Variants in CACNA2D2 observed in about 807,000 individuals in gnomAD.
CACNA2D2 encodes calcium voltage-gated channel auxiliary subunit alpha2delta 2.
Under a neutral mutation model 166.4 loss-of-function variants are expected in CACNA2D2, and 48 were observed. That is an observed-to-expected ratio of 0.29 (90% CI 0.23 to 0.37). The LOEUF is 0.37. Ranked by LOEUF, CACNA2D2 falls within the 10% of genes least tolerant of loss-of-function variation. CACNA2D2 has a pLI of 1.00. For synonymous variants in CACNA2D2, 561 were observed against 573.7 expected (o/e 0.98, Z 0.32); for missense variants, 1,122 against 1,433.0 (o/e 0.78, Z 3.50).
At chr3:50,502,956 G>C (rs1218671269) in intron 1 of CACNA2D2, among the ~76,000 whole-genome samples, 1 of 152,126 alleles carries the variant, frequency 6.6e-6, no homozygotes, top group Non-Finnish European at 1.5e-5. Context: ...AACTCCTCCC[G>C]GGGCTTGAAG....
intron 1 of CACNA2D2, among the ~76,000 whole-genome samples, chr3:50,483,645 C>G (rs978758296): frequency 5.3e-5 from 8 of 152,106 alleles, no homozygotes; most frequent in Non-Finnish European, 1.0e-4. Flanking sequence ...CAGCCTGGAG[C>G]CAGGTAGCAG....
At chr3:50,451,454 G>A (rs979858687) in intron 2 of CACNA2D2, among the ~76,000 whole-genome samples, 4 of 152,044 alleles carry the variant, frequency 2.6e-5, no homozygotes, top group Admixed American at 2.6e-4. Flanking sequence ...CCCTCCCCAG[G>A]CTGCCTGACA....
At position 50,365,062 on chromosome 3, in the gene CACNA2D2, G is replaced by A; in HGVS notation, c.3208+13C>T. ...AGGGGGAGCGGGCGGCGGGGAGGGCGGGGGCAGGATACAGTGCGTCTCCTT... is the reference window on the plus strand; with the variant it reads ...AGGGGGAGCGGGCGGCGGGGAGGGCAGGGGCAGGATACAGTGCGTCTCCTT... On this transcript the variant is annotated intron_variant, in intron 36 of 37. Coordinates refer to ENST00000424201, the MANE Select transcript of CACNA2D2 (RefSeq NM_006030.4). The surrounding 1 kb of genome is among the most constrained non-coding windows in gnomAD (Gnocchi z 4.5). 6.2e-7 allele frequency: 1 copy of A among 1,604,846 alleles called. No individual in the cohort carries two copies. The highest frequency in any genetic ancestry group is 8.5e-7 in the Non-Finnish European group (1 of 1,175,916).
At chr3:50,429,592 CAAAAAAAAA>C (rs1160685582) in intron 3 of CACNA2D2, among the ~76,000 whole-genome samples, 7,734 of 52,582 alleles carry the variant, frequency 0.15, 487 homozygotes, top group African/African-American at 0.4. Context: ...ACTAAAAATA[CAAAAAAAAA>C]AAAAAAAAAA....
rs188041099 is a variant in CACNA2D2 at position 50,368,869 on chromosome 3, G to A, written c.2046-634C>T. Among the ~76,000 whole-genome samples, 31 of 152,364 alleles carry A rather than the reference G, an allele frequency of 2.0e-4. No individual in the cohort carries two copies. In the East Asian group the frequency reaches 5.8e-3, roughly 28 times the overall value. On this transcript the variant is annotated intron_variant, in intron 23 of 37. Transcript: ENST00000424201. ...ACATGGGGCTGTGGGGCGTGAGGGG[G>A]TCTGCTTGGGGCTTGCTGCCTAGGA...
intron 3 of CACNA2D2, among the ~76,000 whole-genome samples, chr3:50,432,901 AG>A (rs1460150033): frequency 6.6e-6 from 1 of 152,238 alleles, no homozygotes; most frequent in Non-Finnish European, 1.5e-5. Flanking sequence ...TGGATATGGC[AG>A]GGTGTAGGCT....
chr3:50,476,024 T>C lies in CACNA2D2; in HGVS notation c.288+94A>G. On this transcript the variant is annotated intron_variant, in intron 2 of 37. Transcript: ENST00000424201. ...AGGTCCCACCACACCAGGACCTCCA[T>C]TAAACCAAATCTTCCTCACTCCTTA... 6 of 1,169,956 alleles carry C rather than the reference T, an allele frequency of 5.1e-6. No homozygotes were observed. The East Asian group carries it at 7.7e-5, about 15-fold the overall frequency. The allele number at this position is 1,169,956 out of a possible 1,614,324, so 72.5% of individuals were successfully genotyped here.
intron 3 of CACNA2D2, among the ~76,000 whole-genome samples, chr3:50,418,272 C>A (rs1707363856): frequency 6.6e-6 from 1 of 152,144 alleles, no homozygotes; most frequent in Non-Finnish European, 1.5e-5. Context: ...AACACCCCTG[C>A]CTTACTCAAA....
intron 3 of CACNA2D2, among the ~76,000 whole-genome samples, chr3:50,433,512 G>A (rs1708166435): frequency 6.6e-6 from 1 of 152,088 alleles, no homozygotes; most frequent in Non-Finnish European, 1.5e-5. Flanking sequence ...GCATCACCAT[G>A]CCCAGCTTTG....
At chr3:50,410,488 G>A (rs955979552) in intron 3 of CACNA2D2, among the ~76,000 whole-genome samples, 1 of 152,030 alleles carries the variant, frequency 6.6e-6, no homozygotes, top group Non-Finnish European at 1.5e-5. Context: ...GATGGGGGGG[G>A]GGGTGTTGTC....
At chr3:50,407,190 A>G (rs1706756241) in intron 3 of CACNA2D2, among the ~76,000 whole-genome samples, 1 of 151,748 alleles carries the variant, frequency 6.6e-6, no homozygotes, top group South Asian at 2.1e-4. Context: ...TGGCCCCCCT[A>G]TACAAAGGGG....
intron 3 of CACNA2D2, among the ~76,000 whole-genome samples, chr3:50,430,470 GGGTGCT>G (rs1253943240): frequency 2.0e-5 from 3 of 152,220 alleles, no homozygotes; most frequent in Admixed American, 2.0e-4. Flanking sequence ...TGGGCAGGGA[GGGTGCT>G]CATGTCCTTA....
rs991298068 is a variant in CACNA2D2 at position 50,491,139 on chromosome 3, G to A, written c.206+12079C>T. Reference sequence around the variant, plus strand: ...GAGATCCCACTCTGTGCCCCTCCCCGTGCCCATCAGAAGCAGCCTCCTTGC... The same window carrying A: ...GAGATCCCACTCTGTGCCCCTCCCCATGCCCATCAGAAGCAGCCTCCTTGC... On this transcript the variant is annotated intron_variant, in intron 1 of 37. Transcript: ENST00000424201. 3.9e-5 allele frequency among the ~76,000 whole-genome samples: 6 copies of A among 152,304 alleles called. No homozygotes were observed. The East Asian group carries it at 7.7e-4, about 20-fold the overall frequency.
chr3:50,399,714 G>A (rs948038191), intron 3 of CACNA2D2, among the ~76,000 whole-genome samples: 3 of 152,154 alleles, frequency 2.0e-5, no homozygotes, highest in Non-Finnish European at 2.9e-5. Context: ...GTAGGAAGAG[G>A]GGGCATCAAA....
chr3:50,470,674 A>G (rs1412432268), intron 2 of CACNA2D2, among the ~76,000 whole-genome samples: 1 of 151,490 alleles, frequency 6.6e-6, no homozygotes, highest in African/African-American at 2.4e-5. Context: ...ACAGTGCTCA[A>G]GAGAGAACAT....
At chr3:50,369,316 A>G (rs922569572) in intron 23 of CACNA2D2, among the ~76,000 whole-genome samples, 4 of 152,260 alleles carry the variant, frequency 2.6e-5, no homozygotes, top group African/African-American at 9.6e-5. Context: ...CCACAGACAC[A>G]GAGATGACAA....
rs1415849558 is a variant in CACNA2D2, at chr3:50,476,011, A to C, written c.288+107T>G. 7 of 976,756 alleles carry C rather than the reference A, an allele frequency of 7.2e-6. No homozygotes were observed. The South Asian group carries it at 7.4e-5, about 10-fold the overall frequency. 60.5% of individuals were successfully genotyped at this position (976,756 alleles called of 1,614,324 possible). ...CCACGGGCCCATCAGGTCCCACCAC[A>C]CCAGGACCTCCATTAAACCAAATCT... On this transcript the variant is annotated intron_variant, in intron 2 of 37. Coordinates refer to ENST00000424201, the MANE Select transcript of CACNA2D2 (RefSeq NM_006030.4).
At chr3:50,451,981 G>A (rs1709123303) in intron 2 of CACNA2D2, among the ~76,000 whole-genome samples, 1 of 152,164 alleles carries the variant, frequency 6.6e-6, no homozygotes, top group Admixed American at 6.5e-5. Context: ...CTCATGATGT[G>A]GATGCTGGGC....
intron 3 of CACNA2D2, among the ~76,000 whole-genome samples, chr3:50,424,993 G>T (rs1309785778): frequency 6.6e-6 from 1 of 152,106 alleles, no homozygotes; most frequent in African/African-American, 2.4e-5. Context: ...CCTCCCACAG[G>T]TACCCACTGC....
Sources: gnomAD v4.1 joint callset for allele counts (sites outside exome capture counted in the v4.1 genomes callset) on GRCh38, gnomAD v4.1.1 for gene constraint, Gnocchi (gnomAD v3.1) non-coding constraint, MANE v1.5 for transcripts, NCBI Gene and HGNC (gene_info 2026-07-23, HGNC 2026-07-21) for gene names.